STPG2: variants seen among roughly 807,000 people sequenced by gnomAD.
STPG2 encodes the protein sperm-tail PG-rich repeat-containing protein 2.
A neutral mutation model predicts 54.2 loss-of-function variants in STPG2; 56 were observed. The ratio of observed to expected loss-of-function variants is 1.03; its 90% CI spans 0.83 to 1.29. The LOEUF (loss-of-function observed/expected upper bound fraction) is 1.29, where lower values mean the gene tolerates loss of function less well. Ranked by LOEUF, STPG2 falls within the 50% of genes most tolerant of loss-of-function variation. The pLI, the probability that STPG2 is intolerant of heterozygous loss-of-function variation, is 0.00. For synonymous variants in STPG2, 200 were observed against 181.8 expected, an observed-to-expected ratio of 1.10 and a Z score of -0.81; for missense variants, 596 against 544.9, an observed-to-expected ratio of 1.09 and a Z score of -0.93.
chr4:97,768,180 A>C (rs940896806), intron 9 of STPG2, among the ~76,000 whole-genome samples: 1 of 151,894 alleles, frequency 6.6e-6, no homozygotes, highest in Non-Finnish European at 1.5e-5. Flanking sequence ...AAAAAAAAAA[A>C]CATAAGAGTT....
rs550976621 is a variant in STPG2, at chr4:97,779,537, C to T, written c.1204+61236G>A. 3.7e-3 allele frequency among the ~76,000 whole-genome samples: 565 copies of T among 152,234 alleles called. 3 individuals are homozygous for T. The highest frequency in any genetic ancestry group is 5.6e-3 in the Non-Finnish European group (378 of 68,018). On this transcript the variant is annotated intron_variant, in intron 9 of 10. Coordinates refer to ENST00000295268, the MANE Select transcript of STPG2 (RefSeq NM_174952.3). ...ATATTATCCAGGAGAACTTCCCCAACCTAGCAAGGCAGGCCAACATTCAAA... is the reference window on the plus strand; with the variant it reads ...ATATTATCCAGGAGAACTTCCCCAATCTAGCAAGGCAGGCCAACATTCAAA...
At position 97,905,911 on chromosome 4, in the gene STPG2, G is replaced by A. The variant is rs557181447; in HGVS notation, c.1044+37986C>T. ...TAGAACTAAATGCCCACAAGAGAAA[G>A]CAGGAAAGATCCAAAATTGACGCCC... On this transcript the variant is annotated intron_variant, in intron 8 of 10. Coordinates refer to ENST00000295268, the MANE Select transcript of STPG2 (RefSeq NM_174952.3). Among the ~76,000 whole-genome samples, 107 of 152,166 alleles carry A rather than the reference G, an allele frequency of 7.0e-4. 1 individual carries two copies. Among genetic ancestry groups the A allele is most frequent in the Admixed American group, 4.6e-4 (7 of 15,272 alleles).
intron 5 of STPG2, among the ~76,000 whole-genome samples, chr4:98,092,221 T>C (rs1469711448): frequency 6.6e-6 from 1 of 152,122 alleles, no homozygotes; most frequent in East Asian, 1.9e-4. Flanking sequence ...TCCATCTTTA[T>C]TGACACTTTT....
rs764725652 is a variant in STPG2 at position 97,972,295 on chromosome 4, T to A, written c.918A>T (p.Gly306=). The A allele has an allele frequency of 5.0e-6, 8 of 1,598,566 alleles. No individual in the cohort carries two copies. The South Asian group carries it at 9.1e-5, about 18-fold the overall frequency. The change falls in exon 7 of 11, where the codon GGA becomes GGT. Residue 306 remains glycine (G), a synonymous_variant. Coordinates refer to ENST00000295268, the MANE Select transcript of STPG2 (RefSeq NM_174952.3). ...AATGTATTACCTGATAATCAGCAGG[T>A]CCAGGGGTAGCACAAGCTTCTTTCT... ...SVQKEACATP[G]PADYQEFWHS... is the part of the protein sequence containing the mutation.
intron 5 of STPG2, among the ~76,000 whole-genome samples, chr4:98,027,195 A>C (rs2149297019): frequency 6.6e-6 from 1 of 152,364 alleles, no homozygotes. Flanking sequence ...GCTTAAAATA[A>C]CATACATTTA....
At chr4:97,932,997 G>C (rs1204261356) in intron 8 of STPG2, among the ~76,000 whole-genome samples, 1 of 152,158 alleles carries the variant, frequency 6.6e-6, no homozygotes, top group Admixed American at 6.5e-5. Context: ...GCATAAAAGT[G>C]TTCCTATTTC....
chr4:97,649,758 A>C (rs1722012419), intron 10 of STPG2, among the ~76,000 whole-genome samples: 1 of 152,186 alleles, frequency 6.6e-6, no homozygotes, highest in Admixed American at 6.5e-5. Context: ...CTCCTAGAGC[A>C]GCGATCCCCA....
intron 10 of STPG2, among the ~76,000 whole-genome samples, chr4:97,638,098 A>G (rs952756027): frequency 2.6e-5 from 4 of 152,206 alleles, no homozygotes; most frequent in African/African-American, 7.2e-5. Context: ...AAACTATACT[A>G]CAAGGCTACA....
At chr4:97,895,695 AGTGAG>A (rs780438706) in intron 8 of STPG2, among the ~76,000 whole-genome samples, 5 of 151,792 alleles carry the variant, frequency 3.3e-5, no homozygotes, top group Non-Finnish European at 7.4e-5. Flanking sequence ...CTTGTCTATC[AGTGAG>A]ATTTCTTCTG....
chr4:97,920,018 C>T (rs897625210), intron 8 of STPG2, among the ~76,000 whole-genome samples: 1 of 152,104 alleles, frequency 6.6e-6, no homozygotes, highest in Non-Finnish European at 1.5e-5. Flanking sequence ...GGACTCATGT[C>T]CATAGAATTT....
intron 9 of STPG2, among the ~76,000 whole-genome samples, chr4:97,789,416 C>T (rs1245242918): frequency 3.9e-5 from 6 of 151,936 alleles, no homozygotes; most frequent in African/African-American, 1.5e-4. Context: ...TAAAGCCAAA[C>T]ATAAAAAAGT....
intron 5 of STPG2, among the ~76,000 whole-genome samples, chr4:98,067,772 T>A (rs1011808797): frequency 2.6e-5 from 4 of 152,308 alleles, no homozygotes; most frequent in Non-Finnish European, 5.9e-5. Context: ...AGCAGTTTTC[T>A]GATAAACATG....
chr4:97,694,926 C>G (rs1243254664), intron 10 of STPG2, among the ~76,000 whole-genome samples: 2 of 148,038 alleles, frequency 1.4e-5, no homozygotes. Context: ...AGAATTAGTA[C>G]CAATCTTATT....
intron 9 of STPG2, among the ~76,000 whole-genome samples, chr4:97,747,282 C>T (rs1236748697): frequency 1.3e-5 from 2 of 151,280 alleles, no homozygotes; most frequent in African/African-American, 4.8e-5. Flanking sequence ...TTATTACACC[C>T]ATTTATTGAA....
chr4:97,988,432 T>A (rs1302981539), intron 5 of STPG2, among the ~76,000 whole-genome samples: 1 of 152,108 alleles, frequency 6.6e-6, no homozygotes, highest in Non-Finnish European at 1.5e-5. Flanking sequence ...CACTGCTATA[T>A]CTCTAGAGTA....
chr4:97,483,379 A>G (rs1730272566), intron 4 of STPG2, among the ~76,000 whole-genome samples: 1 of 151,804 alleles, frequency 6.6e-6, no homozygotes, highest in Admixed American at 6.6e-5. Flanking sequence ...GGGTAGAAAA[A>G]GACATTTCCT....
At chr4:97,701,462 A>G (rs989032754) in intron 10 of STPG2, among the ~76,000 whole-genome samples, 1 of 152,128 alleles carries the variant, frequency 6.6e-6, no homozygotes, top group African/African-American at 2.4e-5. Flanking sequence ...CCTTTCCCCA[A>G]TGCACAGTTA....
intron 9 of STPG2, among the ~76,000 whole-genome samples, chr4:97,728,670 C>T (rs555439165): frequency 1.7e-4 from 26 of 151,670 alleles, no homozygotes; most frequent in African/African-American, 6.3e-4. Context: ...AGTGTCTGAC[C>T]CAGAGCTGAG....
chr4:97,905,900 C>T (rs577984454), intron 8 of STPG2, among the ~76,000 whole-genome samples: 6 of 151,950 alleles, frequency 3.9e-5, no homozygotes, highest in African/African-American at 1.4e-4. Flanking sequence ...ACTAAATGCC[C>T]ACAAGAGAAA....
Sources: allele counts gnomAD v4.1 joint callset (sites outside exome capture counted in the v4.1 genomes callset), GRCh38; gene constraint gnomAD v4.1.1; transcripts MANE v1.5; gene names NCBI Gene and HGNC (gene_info 2026-07-23, HGNC 2026-07-21).